Variants in PIK3R6 observed in about 807,000 individuals in gnomAD.
PIK3R6 encodes phosphoinositide 3-kinase regulatory subunit 6.
Under a neutral mutation model 84.9 loss-of-function variants are expected in PIK3R6, and 91 were observed. That is an observed-to-expected ratio of 1.07 (90% CI 0.90 to 1.28). The LOEUF is 1.28. Among genes scored for constraint, PIK3R6 ranks in the 50% most tolerant of loss-of-function variants. PIK3R6 has a pLI of 0.00. For synonymous variants in PIK3R6, 416 were observed against 411.4 expected, an observed-to-expected ratio of 1.01 and a Z score of -0.13; for missense variants, 996 against 985.1, an observed-to-expected ratio of 1.01 and a Z score of -0.15.
In PIK3R6 at chr17:8,842,568, G is replaced by A. The variant is rs950502290; in HGVS notation, c.14-2871C>T. ...CTGCTTCTTGGCAGATCCAGACTCAGACAAGAAGTACGGGAAACACTCCTC... is the reference window on the plus strand; with the variant it reads ...CTGCTTCTTGGCAGATCCAGACTCAAACAAGAAGTACGGGAAACACTCCTC... On this transcript the variant is annotated intron_variant, in intron 2 of 19. Coordinates refer to ENST00000619866, the MANE Select transcript of PIK3R6 (RefSeq NM_001010855.4). This position sits in a 1 kb window ranked among gnomAD's most constrained non-coding sequence, Gnocchi z 4.5. Among the ~76,000 whole-genome samples, 1 of 152,102 alleles carries A rather than the reference G, an allele frequency of 6.6e-6. No individual in the cohort carries two copies. Among genetic ancestry groups the A allele is most frequent in the Non-Finnish European group, 1.5e-5 (1 of 68,030 alleles).
At position 8,839,424 on chromosome 17, in the gene PIK3R6, T is replaced by C. The variant is rs1597419040; in HGVS notation, c.97+190A>G. ...TGCTCTGTGGCAGTTGCTGGGAGGG[T>C]TGAACTAGGGAGCAGAGAAGCCTTC... On this transcript the variant is annotated intron_variant, in intron 3 of 19. Coordinates refer to ENST00000619866, the MANE Select transcript of PIK3R6 (RefSeq NM_001010855.4). The surrounding 1 kb of genome is among the most constrained non-coding windows in gnomAD (Gnocchi z 4.2). Among the ~76,000 whole-genome samples the C allele has an allele frequency of 6.6e-6, 1 of 151,524 alleles. No homozygotes were observed. Among genetic ancestry groups the C allele is most frequent in the South Asian group, 2.1e-4 (1 of 4,814 alleles).
rs775004442 is a variant in PIK3R6, at chr17:8,835,376, G to C, written c.542C>G (p.Ala181Gly). 3.1e-6 allele frequency: 5 copies of C among 1,611,940 alleles called. No homozygotes were observed. The South Asian group carries it at 5.5e-5, about 18-fold the overall frequency. ...CATGCAGGTCTCTGGTGTCTGCTGCGCCTGGGCCGCCTCGATCTCCAGTAG... is the reference window on the plus strand; with the variant it reads ...CATGCAGGTCTCTGGTGTCTGCTGCCCCTGGGCCGCCTCGATCTCCAGTAG... ...ALLLEIEAAQ[A>G]QQTPETCMRH... The change falls in exon 8 of 20, where the codon GCG becomes GGG. Residue 181 changes from alanine (A) to glycine (G), a missense_variant. Transcript: ENST00000619866.
chr17:8,866,303 C>T (rs892521431), intron 1 of PIK3R6, among the ~76,000 whole-genome samples: 4 of 151,990 alleles, frequency 2.6e-5, no homozygotes, highest in Non-Finnish European at 4.4e-5. Context: ...TATGGGAGGC[C>T]GAGGTGGGTG....
intron 2 of PIK3R6, among the ~76,000 whole-genome samples, chr17:8,843,736 C>T (rs9892615): frequency 0.23 from 34,683 of 151,936 alleles, 4,193 homozygotes; most frequent in East Asian, 0.33. Context: ...TGACAATCTG[C>T]TGACACCGAA....
At chr17:8,835,958 A>G (rs2088444547) in intron 7 of PIK3R6, among the ~76,000 whole-genome samples, 2 of 152,060 alleles carry the variant, frequency 1.3e-5, no homozygotes, top group East Asian at 1.9e-4. Flanking sequence ...TGCATCTTTC[A>G]TGAACTCAGC....
intron 1 of PIK3R6, among the ~76,000 whole-genome samples, chr17:8,863,491 C>T (rs1449349333): frequency 1.3e-5 from 2 of 151,968 alleles, no homozygotes; most frequent in East Asian, 1.9e-4. Flanking sequence ...AACTTCATAC[C>T]CTTTGACCAG....
chr17:8,856,020 C>CA (rs2089131510), intron 1 of PIK3R6, among the ~76,000 whole-genome samples: 1 of 152,228 alleles, frequency 6.6e-6, no homozygotes, highest in South Asian at 2.1e-4. Flanking sequence ...CGTGCAACGA[C>CA]ACGCGTGAAT....
intron 1 of PIK3R6, among the ~76,000 whole-genome samples, chr17:8,851,137 G>T (rs2088947098): frequency 6.6e-6 from 1 of 150,530 alleles, no homozygotes; most frequent in South Asian, 2.1e-4. Context: ...AAAAAAAATG[G>T]ATCACGCACT....
intron 18 of PIK3R6, among the ~76,000 whole-genome samples, chr17:8,816,084 G>T (rs2151192802): frequency 6.6e-6 from 1 of 152,170 alleles, no homozygotes; most frequent in East Asian, 1.9e-4. Context: ...ACTCATAATT[G>T]AAAAACAAGC....
chr17:8,823,185 T>A, intron 14 of PIK3R6, 99 bp from the exon 15 acceptor site: 1 of 964,024 alleles, frequency 1.0e-6, no homozygotes, highest in South Asian at 1.4e-5. Context: ...CCCTTCCACA[T>A]AAAGAAGACC....
intron 12 of PIK3R6, among the ~76,000 whole-genome samples, chr17:8,827,567 T>C (rs1238900404): frequency 6.6e-6 from 1 of 152,014 alleles, no homozygotes; most frequent in Non-Finnish European, 1.5e-5. Flanking sequence ...TGCTTCCCAA[T>C]AGGAAGTGGA....
Position 8,822,643 on chromosome 17 carries a change from T to C in PIK3R6, c.1732A>G (p.Arg578Gly), listed in dbSNP as rs952986110. ...GGGCCCTCAGCCACGCCTCTCCTCC[T>C]GGGTGAAAAGCCATCTGTGGGGAGA... Reference protein sequence around the residue: ...SKFPKDGFSPRRRGVAEGPGA... With the variant: ...SKFPKDGFSPGRRGVAEGPGA... The change falls in exon 16 of 20, where the codon AGG becomes GGG. Residue 578 changes from arginine to glycine, a missense_variant. By Grantham distance (125) the Arg-to-Gly change is moderately radical. Coordinates refer to ENST00000619866, the MANE Select transcript of PIK3R6 (RefSeq NM_001010855.4). 6.2e-7 allele frequency: 1 copy of C among 1,614,020 alleles called. No homozygotes were observed. The highest frequency in any genetic ancestry group is 8.5e-7 in the Non-Finnish European group (1 of 1,179,888).
In PIK3R6 at chr17:8,823,457, A is replaced by G; in HGVS notation, c.1556T>C (p.Ile519Thr). Residue 519 changes from isoleucine to threonine, a missense_variant, in exon 14 of 20, where the codon ATC (isoleucine) becomes ACC (threonine). Coordinates refer to ENST00000619866, the MANE Select transcript of PIK3R6 (RefSeq NM_001010855.4). ...GATGTAGTAGGTGATGACGTCTAGGATGAAGGGGTCCACAGTCCGGGATGT... is the reference window on the plus strand; with the variant it reads ...GATGTAGTAGGTGATGACGTCTAGGGTGAAGGGGTCCACAGTCCGGGATGT... Reference protein sequence around the residue: ...LDTSRTVDPFILDVITYYIRM... With the variant: ...LDTSRTVDPFTLDVITYYIRM... The G allele has an allele frequency of 6.2e-7, 1 of 1,612,736 alleles. No homozygotes were observed.
chr17:8,840,009 T>C (rs573684203), intron 2 of PIK3R6, among the ~76,000 whole-genome samples: 4 of 152,182 alleles, frequency 2.6e-5, no homozygotes, highest in African/African-American at 9.6e-5. Context: ...TTTTAATGCA[T>C]GTTAGAAAAT....
chr17:8,831,284 C>A (rs1358746903), intron 9 of PIK3R6, among the ~76,000 whole-genome samples: 2 of 131,384 alleles, frequency 1.5e-5, no homozygotes, highest in Non-Finnish European at 3.1e-5. Context: ...GAGCCATGAT[C>A]GAGCCACTGC....
chr17:8,830,924 A>G (rs2088210599), intron 9 of PIK3R6, among the ~76,000 whole-genome samples: 1 of 151,294 alleles, frequency 6.6e-6, no homozygotes, highest in African/African-American at 2.4e-5. Flanking sequence ...AGGGTGGATC[A>G]CGAGGTCAGG....
chr17:8,836,696 G>T (rs553297319), intron 6 of PIK3R6, 80 bp from the exon 7 acceptor site: 1 of 1,612,170 alleles, frequency 6.2e-7, no homozygotes, highest in South Asian at 1.1e-5. Context: ...AGGTGTGGAG[G>T]CTTTTGAGCT....
chr17:8,855,851 A>C (rs1468074434), intron 1 of PIK3R6, among the ~76,000 whole-genome samples: 1 of 152,218 alleles, frequency 6.6e-6, no homozygotes, highest in Non-Finnish European at 1.5e-5. Flanking sequence ...GAGAAATAAA[A>C]ACTTATGTTC....
intron 2 of PIK3R6, among the ~76,000 whole-genome samples, chr17:8,846,894 C>T (rs1227103195): frequency 6.6e-6 from 1 of 152,142 alleles, no homozygotes; most frequent in African/African-American, 2.4e-5. Flanking sequence ...GATTAAGTCC[C>T]TTGTAGGCCT....
Sources: gnomAD v4.1 joint callset for allele counts (sites outside exome capture counted in the v4.1 genomes callset) on GRCh38, gnomAD v4.1.1 for gene constraint, Gnocchi (gnomAD v3.1) non-coding constraint, MANE v1.5 for transcripts, NCBI Gene and HGNC (gene_info 2026-07-23, HGNC 2026-07-21) for gene names.